SPTLC3: variants seen among roughly 807,000 people sequenced by gnomAD.
SPTLC3 encodes serine palmitoyltransferase 3.
Under a neutral mutation model 59.3 loss-of-function variants are expected in SPTLC3, and 36 were observed. The ratio of observed to expected loss-of-function variants is 0.61; its 90% CI spans 0.47 to 0.80. The LOEUF (loss-of-function observed/expected upper bound fraction) is 0.80. SPTLC3 is among the 30% of genes least tolerant of loss of function. The pLI is 0.00. For synonymous variants in SPTLC3, 257 were observed against 240.8 expected, an observed-to-expected ratio of 1.07 and a Z score of -0.62; for missense variants, 625 against 685.1, an observed-to-expected ratio of 0.91 and a Z score of 0.98.
intron 1 of SPTLC3, among the ~76,000 whole-genome samples, chr20:13,025,256 T>G (rs1986087386): frequency 6.6e-6 from 1 of 152,160 alleles, no homozygotes; most frequent in Non-Finnish European, 1.5e-5. Flanking sequence ...TGAACCAAGA[T>G]TTGAAGAAAT....
At position 13,010,883 on chromosome 20, in the gene SPTLC3, A is replaced by G. The variant is rs1469277858; in HGVS notation, c.117+1499A>G. 6.0e-5 allele frequency among the ~76,000 whole-genome samples: 9 copies of G among 150,882 alleles called. No individual in the cohort carries two copies. The East Asian group carries it at 1.7e-3, about 29-fold the overall frequency. On this transcript the variant is annotated intron_variant, in intron 1 of 11. Coordinates refer to ENST00000399002, the MANE Select transcript of SPTLC3 (RefSeq NM_018327.4). ...GAGGTATGAGATTAGAAACTTAGAC[A>G]GTTATAACCACTCCTAAGTAAGGAT...
intron 9 of SPTLC3, among the ~76,000 whole-genome samples, chr20:13,152,000 T>C (rs972412009): frequency 6.6e-6 from 1 of 152,082 alleles, no homozygotes; most frequent in Non-Finnish European, 1.5e-5. Context: ...AAAAAAGATA[T>C]AATCATAATC....
intron 2 of SPTLC3, among the ~76,000 whole-genome samples, chr20:13,062,117 C>G (rs1988000546): frequency 6.6e-6 from 1 of 152,178 alleles, no homozygotes; most frequent in African/African-American, 2.4e-5. Context: ...ATGGCCCTCC[C>G]TAGGGTATCT....
intron 6 of SPTLC3, 68 bp downstream of exon 6, chr20:13,093,645 AG>A: frequency 1.4e-6 from 2 of 1,452,726 alleles, no homozygotes; most frequent in Non-Finnish European, 9.6e-7. Flanking sequence ...ATTATTGATG[AG>A]GCTTTGTTCT....
At chr20:13,065,286 A>G (rs1203335648) in intron 2 of SPTLC3, among the ~76,000 whole-genome samples, 1 of 144,548 alleles carries the variant, frequency 6.9e-6, no homozygotes, top group African/African-American at 2.5e-5. Flanking sequence ...TTTTTTCTAA[A>G]GTGTTTCTGT....
chr20:13,048,630 G>A (rs1025125648), intron 1 of SPTLC3, among the ~76,000 whole-genome samples: 5 of 152,136 alleles, frequency 3.3e-5, no homozygotes, highest in Non-Finnish European at 7.3e-5. Flanking sequence ...TTAAAGTAAC[G>A]ACCCCAAGTT....
intron 1 of SPTLC3, among the ~76,000 whole-genome samples, chr20:13,018,007 T>C (rs910544211): frequency 6.6e-6 from 1 of 152,140 alleles, no homozygotes; most frequent in African/African-American, 2.4e-5. Flanking sequence ...CAAGTATCCT[T>C]GCTCTGTTTC....
At chr20:13,038,023 G>A (rs7343449) in intron 1 of SPTLC3, among the ~76,000 whole-genome samples, 17,879 of 145,900 alleles carry the variant, frequency 0.12, 1,868 homozygotes, top group African/African-American at 0.28. Flanking sequence ...AAGAAAGGCT[G>A]GAAAATACAG....
intron 9 of SPTLC3, among the ~76,000 whole-genome samples, chr20:13,143,621 C>T (rs536022174): frequency 3.3e-5 from 5 of 152,128 alleles, no homozygotes; most frequent in African/African-American, 1.2e-4. Context: ...TGGGGGGCTT[C>T]CCCATCAATT....
In SPTLC3 at chr20:13,110,204, G is replaced by A. The variant is rs764700149; in HGVS notation, c.919G>A (p.Glu307Lys). 6 of 1,613,458 alleles carry A rather than the reference G, an allele frequency of 3.7e-6. No individual in the cohort carries two copies. In the African/African-American group the frequency reaches 6.7e-5, roughly 18 times the overall value. ...RAWKKILILVEGVYSMEGSIV... is the reference protein window; with the variant it reads ...RAWKKILILVKGVYSMEGSIV... Reference sequence around the variant, plus strand: ...TTGGAAAAAGATTCTCATCCTGGTGGAGGGTGTCTACAGGTATGTAAATAA... The same window carrying A: ...TTGGAAAAAGATTCTCATCCTGGTGAAGGGTGTCTACAGGTATGTAAATAA... Residue 307 changes from glutamate (E) to lysine (K), a missense_variant, in exon 7 of 12, where the codon GAG becomes AAG. Transcript: ENST00000399002.
intron 8 of SPTLC3, 66 bp from the exon 9 acceptor site, chr20:13,126,525 T>C (rs968574738): frequency 1.9e-6 from 3 of 1,582,778 alleles, no homozygotes; most frequent in South Asian, 1.2e-5. Flanking sequence ...TGGGACTAGA[T>C]GTAATTCCCA....
chr20:13,122,568 T>C (rs1400511386), intron 8 of SPTLC3, among the ~76,000 whole-genome samples: 1 of 152,228 alleles, frequency 6.6e-6, no homozygotes, highest in Admixed American at 6.5e-5. Flanking sequence ...GGAATAATTG[T>C]GTAAACTTTT....
intron 2 of SPTLC3, among the ~76,000 whole-genome samples, chr20:13,063,173 T>C (rs1296715314): frequency 6.6e-6 from 1 of 152,226 alleles, no homozygotes; most frequent in Non-Finnish European, 1.5e-5. Context: ...TCCTGATTAA[T>C]AGTATGACTG....
intron 1 of SPTLC3, among the ~76,000 whole-genome samples, chr20:13,031,442 C>T (rs145510073): frequency 6.6e-6 from 1 of 152,308 alleles, no homozygotes; most frequent in Non-Finnish European, 1.5e-5. Flanking sequence ...ACCTAGCACA[C>T]TAGCTGGCAC....
Position 13,154,124 on chromosome 20 carries a change from GC to G in SPTLC3, c.1403del (p.Pro468LeufsTer4). The G allele has an allele frequency of 2.5e-6, 4 of 1,614,058 alleles. No homozygotes were observed. Among genetic ancestry groups the G allele is most frequent in the Non-Finnish European group, 3.4e-6 (4 of 1,179,986 alleles). ...ASVVPLLLYM[P>X]GKVAAFARHM... Reference sequence around the variant, plus strand: ...CTGTTGTTCCTCTGCTTCTTTATATGCCTGGTAAAGTAGCGTAAGTATCCAA... The same window carrying G: ...CTGTTGTTCCTCTGCTTCTTTATATGCTGGTAAAGTAGCGTAAGTATCCAA... On this transcript the variant is annotated frameshift_variant, in exon 10 of 12. Coordinates refer to ENST00000399002, the MANE Select transcript of SPTLC3 (RefSeq NM_018327.4). LOFTEE classifies it high-confidence loss of function.
intron 9 of SPTLC3, among the ~76,000 whole-genome samples, chr20:13,146,088 T>C (rs1469762626): frequency 6.6e-6 from 1 of 152,152 alleles, no homozygotes; most frequent in East Asian, 1.9e-4. Context: ...TGGAATACTA[T>C]GCAGCCATAA....
chr20:13,085,293 G>A (rs1988969967), intron 4 of SPTLC3, among the ~76,000 whole-genome samples: 1 of 152,062 alleles, frequency 6.6e-6, no homozygotes, highest in Non-Finnish European at 1.5e-5. Flanking sequence ...ACCTCCATTA[G>A]ACTGGATGGA....
At chr20:13,009,740 TCA>T (rs1985134704) in intron 1 of SPTLC3, among the ~76,000 whole-genome samples, 1 of 152,190 alleles carries the variant, frequency 6.6e-6, no homozygotes, top group Non-Finnish European at 1.5e-5. Flanking sequence ...GCTACAACCG[TCA>T]TGCTTCAGAA....
At chr20:13,041,885 A>G (rs1302986932) in intron 1 of SPTLC3, among the ~76,000 whole-genome samples, 1 of 152,158 alleles carries the variant, frequency 6.6e-6, no homozygotes, top group East Asian at 1.9e-4. Context: ...CATTGAAGTG[A>G]CAGTGGTTTT....
Sources: allele counts gnomAD v4.1 joint callset (sites outside exome capture counted in the v4.1 genomes callset), GRCh38; gene constraint gnomAD v4.1.1; transcripts MANE v1.5; gene names NCBI Gene and HGNC (gene_info 2026-07-23, HGNC 2026-07-21).